Variants in SREBF1 observed in about 807,000 individuals in gnomAD.
The protein encoded by SREBF1 is sterol regulatory element-binding protein 1.
In SREBF1, 45 loss-of-function variants were observed where a neutral mutation model predicts 100.1. That is an observed-to-expected ratio of 0.45 (90% CI 0.35 to 0.58). The LOEUF is 0.58. Ranked by LOEUF, SREBF1 falls within the 20% of genes least tolerant of loss-of-function variation. SREBF1 has a pLI of 0.00. For synonymous variants in SREBF1, 657 were observed against 681.8 expected (o/e 0.96, Z 0.57); for missense variants, 1,324 against 1,539.4 (o/e 0.86, Z 2.34).
chr17:17,827,789 C>G (rs1399198695), intron 1 of SREBF1, among the ~76,000 whole-genome samples: 6 of 152,320 alleles, frequency 3.9e-5, no homozygotes, highest in Admixed American at 2.0e-4. Flanking sequence ...TCAGCCCCAG[C>G]CTGTGGGGGA....
At position 17,815,912 on chromosome 17, in the gene SREBF1, C is replaced by G. The variant is rs2033509589; in HGVS notation, c.2331G>C (p.Trp777Cys). 1 of 1,612,998 alleles carries G rather than the reference C, an allele frequency of 6.2e-7. No homozygotes were observed. Among genetic ancestry groups the G allele is most frequent in the Non-Finnish European group, 8.5e-7 (1 of 1,179,942 alleles). Residue 777 changes from tryptophan to cysteine, a missense_variant, in exon 12 of 19, where the codon TGG becomes TGC. Trp to Cys is a radical substitution (Grantham distance 215). Coordinates refer to ENST00000261646, the MANE Select transcript of SREBF1 (RefSeq NM_004176.5). ...TCTCCCATGGGGTACTGAGCACGGA[C>G]CAGTCCCCATCCACGAAGAAACGGT... ...VGHRFFVDGDWSVLSTPWESL... is the reference protein window; with the variant it reads ...VGHRFFVDGDCSVLSTPWESL...
At chr17:17,829,201 AAAAAATAT>A (rs1267940726) in intron 1 of SREBF1, among the ~76,000 whole-genome samples, 1 of 32,480 alleles carries the variant, frequency 3.1e-5, no homozygotes, top group African/African-American at 1.1e-4. Context: ...TAAAAAAAAA[AAAAAATAT>A]ATATATATAT....
rs746334705 is a variant in SREBF1, at chr17:17,817,866, C to T, written c.1234G>A (p.Val412Met). The part of the protein sequence containing the change: ...SACGSGGNTD[V>M]LMEGVKTEVE... ...TCAGTCTTCACGCCCTCCATGAGCA[C>T]GTCTGTGTTCCCTCCACTGCCACAG... is the stretch of plus-strand genomic sequence containing the variant. Residue 412 changes from valine (V) to methionine (M), a missense_variant, in exon 7 of 19, where the codon GTG becomes ATG. By Grantham distance (21) the Val-to-Met change is conservative. Transcript: ENST00000261646. This position sits in a 1 kb window ranked among gnomAD's most constrained non-coding sequence, Gnocchi z 6.6. 2.6e-5 allele frequency: 42 copies of T among 1,605,014 alleles called. No individual in the cohort carries two copies. The highest frequency in any genetic ancestry group is 3.3e-5 in the Non-Finnish European group (39 of 1,179,982).
chr17:17,818,999 A>G lies in SREBF1; in HGVS notation c.1068+14T>C. 6.2e-7 allele frequency: 1 copy of G among 1,611,558 alleles called. No individual in the cohort carries two copies. Among genetic ancestry groups the G allele is most frequent in the Middle Eastern group, 1.7e-4 (1 of 5,924 alleles). On this transcript the variant is annotated intron_variant, in intron 5 of 18. Coordinates refer to ENST00000261646, the MANE Select transcript of SREBF1 (RefSeq NM_004176.5). ...GGGACACCCCGGTCTGTGCCCCTGCAGGCCTCTCCACACCTTTGCCTCAGT... is the reference window on the plus strand; with the variant it reads ...GGGACACCCCGGTCTGTGCCCCTGCGGGCCTCTCCACACCTTTGCCTCAGT...
At chr17:17,818,616 C>T (rs1459121799) in intron 5 of SREBF1, 13 of 568,398 alleles carry the variant, frequency 2.3e-5, no homozygotes, top group East Asian at 9.2e-5. Context: ...CTGTGCCTGC[C>T]GCCATCTCAG....
intron 18 of SREBF1, 195 bp downstream of exon 18, chr17:17,813,173 G>T: frequency 1.5e-6 from 1 of 646,308 alleles, no homozygotes; most frequent in Admixed American, 2.3e-5. Context: ...CTGTCACTCA[G>T]GCTCACTGCG....
rs137858867 is a variant in SREBF1, at chr17:17,817,278, G to A, written c.1584C>T (p.Asn528=). 2.8e-3 allele frequency: 4,500 copies of A among 1,608,226 alleles called. 10 individuals carry two copies. The highest frequency in any genetic ancestry group is 3.6e-3 in the Non-Finnish European group (4,268 of 1,178,066). ...TTSVYHSPGR[N]VLGTESRDGP... ...CACCTCTGCTCTCGGTGCCCAGCACGTTGCGCCCAGGGCTATGGTAGACGC... is the reference window on the plus strand; with the variant it reads ...CACCTCTGCTCTCGGTGCCCAGCACATTGCGCCCAGGGCTATGGTAGACGC... Residue 528 remains asparagine, a synonymous_variant, in exon 8 of 19, where the codon AAC becomes AAT. Transcript: ENST00000261646. This position sits in a 1 kb window ranked among gnomAD's most constrained non-coding sequence, Gnocchi z 6.6.
In SREBF1 at chr17:17,818,138, T is replaced by C. The variant is rs572818613; in HGVS notation, c.1183+122A>G. Reference sequence around the variant, plus strand: ...TGCAGGGCTACAGCCAAGGGTGAGGTGGGCAGGGCAGAGGGTGGGCCAGAA... The same window carrying C: ...TGCAGGGCTACAGCCAAGGGTGAGGCGGGCAGGGCAGAGGGTGGGCCAGAA... On this transcript the variant is annotated intron_variant, in intron 6 of 18. Coordinates refer to ENST00000261646, the MANE Select transcript of SREBF1 (RefSeq NM_004176.5). The C allele has an allele frequency of 1.0e-4, 33 of 317,920 alleles. No individual in the cohort carries two copies. In the African/African-American group the frequency reaches 1.3e-3, roughly 12 times the overall value. 19.7% of individuals were successfully genotyped at this position (317,920 alleles called of 1,614,324 possible). A position where few individuals can be genotyped will look rare whatever the true frequency, so the allele number is the denominator to read the frequency against.
intron 1 of SREBF1, among the ~76,000 whole-genome samples, chr17:17,832,328 T>C (rs2143163508): frequency 6.6e-6 from 1 of 152,274 alleles, no homozygotes; most frequent in East Asian, 1.9e-4. Flanking sequence ...CTGTTCACAT[T>C]ACGATCCTCC....
intron 1 of SREBF1, among the ~76,000 whole-genome samples, chr17:17,830,863 C>T (rs1432173735): frequency 6.6e-6 from 1 of 152,256 alleles, no homozygotes; most frequent in East Asian, 1.9e-4. Flanking sequence ...CTGTCACACA[C>T]TGTCAGTGCC....
rs75904465 is a variant in SREBF1 at position 17,835,840 on chromosome 17, A to C, written c.91+887T>G. ...TGCTCCGCCCTTTCCCTGGCCGACC[A>C]AGTCGGTTTGCGTCCTCCTCCTCCC... On this transcript the variant is annotated intron_variant, in intron 1 of 18. Coordinates refer to ENST00000261646, the MANE Select transcript of SREBF1 (RefSeq NM_004176.5). 6.4e-3 allele frequency among the ~76,000 whole-genome samples: 972 copies of C among 152,340 alleles called. 18 individuals carry two copies. The highest frequency in any genetic ancestry group is 0.023 in the African/African-American group (938 of 41,588).
rs368156800 is a variant in SREBF1, at chr17:17,814,852, C to A, written c.2585G>T (p.Ser862Ile). 13 of 1,594,446 alleles carry A rather than the reference C, an allele frequency of 8.2e-6. No homozygotes were observed. The highest frequency in any genetic ancestry group is 1.1e-5 in the Non-Finnish European group (13 of 1,171,310). ...GGACTCACCGGTGGTGGTGGCCATG[C>A]TGGAACTGATGGAGAAGCTGTAGGC... is the stretch of plus-strand genomic sequence containing the variant. Reference protein sequence around the residue: ...APAYSFSISSSMATTTGVDPV... With the variant: ...APAYSFSISSIMATTTGVDPV... Residue 862 changes from serine to isoleucine, a missense_variant, in exon 14 of 19, where the codon AGC becomes ATC. Transcript: ENST00000261646.
chr17:17,830,896 A>G (rs191151621), intron 1 of SREBF1, among the ~76,000 whole-genome samples: 18 of 152,326 alleles, frequency 1.2e-4, no homozygotes, highest in Admixed American at 8.5e-4. Flanking sequence ...GCATGTCCAC[A>G]TGGCCCGTGG....
At position 17,817,965 on chromosome 17, in the gene SREBF1, C is replaced by T. The variant is rs138688211; in HGVS notation, c.1184-49G>A. 536 of 1,572,468 alleles carry T rather than the reference C, an allele frequency of 3.4e-4. 1 individual carries two copies. In the African/African-American group the frequency reaches 6.2e-3, roughly 18 times the overall value. ...CAGGAGTAAAGGCTGGATATGTGAC[C>T]CCAAATCAGAGCCTAGGCCCTTGGA... On this transcript the variant is annotated intron_variant, in intron 6 of 18. Transcript: ENST00000261646. This position sits in a 1 kb window ranked among gnomAD's most constrained non-coding sequence, Gnocchi z 6.6.
chr17:17,819,057 T>C lies in SREBF1; in HGVS notation c.1024A>G (p.Lys342Glu). Reference sequence around the variant, plus strand: ...ACCAGATCCTTGAGCTCAATGATTTTGTCATTGATGGAGGAGCGGTAGCGC... The same window carrying C: ...ACCAGATCCTTGAGCTCAATGATTTCGTCATTGATGGAGGAGCGGTAGCGC... Reference protein sequence around the residue: ...EKRYRSSINDKIIELKDLVVG... With the variant: ...EKRYRSSINDEIIELKDLVVG... Residue 342 changes from lysine (K) to glutamate (E), a missense_variant, in exon 5 of 19, where the codon AAA becomes GAA. By Grantham distance (56) the Lys-to-Glu change is moderately conservative (BLOSUM62 1). Coordinates refer to ENST00000261646, the MANE Select transcript of SREBF1 (RefSeq NM_004176.5). 1.9e-6 allele frequency: 3 copies of C among 1,614,000 alleles called. No individual in the cohort carries two copies. Among genetic ancestry groups the C allele is most frequent in the Non-Finnish European group, 2.5e-6 (3 of 1,180,040 alleles).
rs1567972816 is a variant in SREBF1, at chr17:17,819,201, C to CTGT, written c.877_879dup (p.Thr293dup). ...TTCTCCGCATCTACGACCAGTGGGA[C>CTGT]TGTTGCCAAGATGGTTCCGCCACTC... is the stretch of plus-strand genomic sequence containing the variant. On this transcript the variant is annotated inframe_insertion, in exon 5 of 19. Transcript: ENST00000261646. 3 of 1,614,168 alleles carry CTGT rather than the reference C, an allele frequency of 1.9e-6. No individual in the cohort carries two copies. The highest frequency in any genetic ancestry group is 2.2e-5 in the East Asian group (1 of 44,890).
Position 17,820,439 on chromosome 17 carries a change from G to A in SREBF1, c.174C>T (p.Gly58=). ...TGGTATCGGGGCTGGCAGGGTCTGT[G>A]CCCCCTGCCCCACTCCCAGCATAGG... ...DPPYAGSGAG[G]TDPASPDTSS... is the part of the protein sequence containing the mutation. Residue 58 remains glycine, a synonymous_variant, in exon 2 of 19, where the codon GGC becomes GGT. Transcript: ENST00000261646. The A allele has an allele frequency of 6.2e-7, 1 of 1,613,982 alleles. No homozygotes were observed. Among genetic ancestry groups the A allele is most frequent in the Non-Finnish European group, 8.5e-7 (1 of 1,179,938 alleles).
At chr17:17,827,589 C>CG (rs1421021661) in intron 1 of SREBF1, among the ~76,000 whole-genome samples, 7 of 152,142 alleles carry the variant, frequency 4.6e-5, no homozygotes, top group Non-Finnish European at 1.0e-4. Context: ...ATGGCTGCCC[C>CG]GGGGGCACAA....
At chr17:17,836,615 G>C (rs1366437637) in intron 1 of SREBF1, 112 bp downstream of exon 1, 1 of 1,093,516 alleles carries the variant, frequency 9.1e-7, no homozygotes, top group Non-Finnish European at 1.3e-6. Context: ...AGTCCCGCGC[G>C]AGCACAGCAC....
Sources: gnomAD v4.1 joint callset for allele counts (sites outside exome capture counted in the v4.1 genomes callset) on GRCh38, gnomAD v4.1.1 for gene constraint, Gnocchi (gnomAD v3.1) non-coding constraint, MANE v1.5 for transcripts, NCBI Gene and HGNC (gene_info 2026-07-23, HGNC 2026-07-21) for gene names.